The following CCDC3 variants were observed in gnomAD, a reference collection of about 807,000 sequenced individuals.
The protein encoded by CCDC3 is coiled-coil domain-containing protein 3.
In CCDC3, 24 loss-of-function variants were observed where a neutral mutation model predicts 21.4. That is an observed-to-expected ratio of 1.12 (90% CI 0.81 to 1.58). The LOEUF is 1.58. Among genes scored for constraint, CCDC3 ranks in the 40% most tolerant of loss-of-function variants. CCDC3 has a pLI of 0.00. For synonymous variants in CCDC3, 186 were observed against 166.0 expected, an observed-to-expected ratio of 1.12 and a Z score of -0.93; for missense variants, 425 against 360.9, an observed-to-expected ratio of 1.18 and a Z score of -1.44.
chr10:12,977,134 G>A (rs963990982), intron 2 of CCDC3, among the ~76,000 whole-genome samples: 3 of 152,134 alleles, frequency 2.0e-5, no homozygotes, highest in African/African-American at 7.2e-5. Flanking sequence ...AATTAGCTGG[G>A]CATGGTGGCG....
chr10:12,997,069 TA>T (rs1345692054), intron 2 of CCDC3, among the ~76,000 whole-genome samples: 1 of 151,742 alleles, frequency 6.6e-6, no homozygotes, highest in Non-Finnish European at 1.5e-5. Context: ...CCCCTGAACC[TA>T]AAATAAAAGT....
intron 4 of CCDC3, among the ~76,000 whole-genome samples, chr10:13,051,979 A>C (rs1262791301): frequency 2.6e-5 from 4 of 152,076 alleles, no homozygotes; most frequent in Non-Finnish European, 5.9e-5. Context: ...CCTTCTGCAG[A>C]AGTTGTGTAT....
intron 2 of CCDC3, among the ~76,000 whole-genome samples, chr10:12,899,316 ATATTAGAT>A (rs1834059001): frequency 2.0e-5 from 3 of 152,312 alleles, no homozygotes; most frequent in African/African-American, 7.2e-5. Flanking sequence ...TATTTTTCAC[ATATTAGAT>A]TGGCAAAATT....
intron 2 of CCDC3, among the ~76,000 whole-genome samples, chr10:12,932,870 A>G (rs1834670906): frequency 1.3e-5 from 2 of 152,180 alleles, no homozygotes; most frequent in South Asian, 4.1e-4. Flanking sequence ...TTTCTCATTA[A>G]CAGGTTTTAG....
intron 4 of CCDC3, among the ~76,000 whole-genome samples, chr10:13,059,257 C>T (rs1836722429): frequency 6.6e-6 from 1 of 152,204 alleles, no homozygotes; most frequent in Non-Finnish European, 1.5e-5. Flanking sequence ...GCAGAGTCTT[C>T]AGTCTGGACC....
intron 2 of CCDC3, among the ~76,000 whole-genome samples, chr10:12,930,807 C>T (rs1019245856): frequency 1.3e-5 from 2 of 152,232 alleles, no homozygotes; most frequent in East Asian, 1.9e-4. Flanking sequence ...ATAACAGTGC[C>T]GAGGTCAAGA....
upstream of CCDC3, among the ~76,000 whole-genome samples, chr10:13,003,261 G>A (rs901874103): frequency 1.2e-4 from 18 of 152,178 alleles, no homozygotes; most frequent in Non-Finnish European, 2.1e-4. Context: ...ACTGTTGTAA[G>A]GACTGTACAT....
chr10:13,035,787 A>G (rs560523938), intron 5 of CCDC3, among the ~76,000 whole-genome samples: 14 of 152,346 alleles, frequency 9.2e-5, no homozygotes, highest in Non-Finnish European at 2.1e-4. Flanking sequence ...AGACAAAGCA[A>G]CAAACGAAAC....
At chr10:13,071,028 T>A (rs1836875833) in intron 4 of CCDC3, among the ~76,000 whole-genome samples, 1 of 152,068 alleles carries the variant, frequency 6.6e-6, no homozygotes, top group Non-Finnish European at 1.5e-5. Context: ...TCTGGATCAG[T>A]ATTCTCCTTC....
chr10:12,909,516 C>T (rs1054101464), intron 2 of CCDC3, among the ~76,000 whole-genome samples: 1 of 152,200 alleles, frequency 6.6e-6, no homozygotes, highest in Non-Finnish European at 1.5e-5. Flanking sequence ...CTGTAAGCTC[C>T]ATGTCTTGGG....
intron 4 of CCDC3, among the ~76,000 whole-genome samples, chr10:13,051,736 A>G (rs1836610355): frequency 6.6e-6 from 1 of 152,092 alleles, no homozygotes; most frequent in Non-Finnish European, 1.5e-5. Flanking sequence ...TGGGGGTGGT[A>G]TGCCTGAGAC....
intron 2 of CCDC3, among the ~76,000 whole-genome samples, chr10:12,997,610 A>T (rs1395723774): frequency 6.6e-6 from 1 of 152,214 alleles, no homozygotes; most frequent in Non-Finnish European, 1.5e-5. Flanking sequence ...AGTGGTAGCT[A>T]TGATAGCAAT....
chr10:13,042,608 G>A (rs900782151), intron 5 of CCDC3, among the ~76,000 whole-genome samples: 3 of 152,120 alleles, frequency 2.0e-5, no homozygotes, highest in African/African-American at 4.8e-5. Flanking sequence ...AATAATGGTC[G>A]AAAACTCCAT....
chr10:13,002,661 T>C (rs1328844423), upstream of CCDC3, among the ~76,000 whole-genome samples: 1 of 152,234 alleles, frequency 6.6e-6, no homozygotes, highest in East Asian at 1.9e-4. Context: ...CTTTCAGGCG[T>C]GAGCCCCCAC....
At position 13,024,183 on chromosome 10, in the gene CCDC3, C is replaced by T. The variant is rs117579484; in HGVS notation, c.-2+25491G>A. Among the ~76,000 whole-genome samples, 13 of 151,992 alleles carry T rather than the reference C, an allele frequency of 8.6e-5. No individual in the cohort carries two copies. The East Asian group carries it at 1.4e-3, about 16-fold the overall frequency. On this transcript the variant is annotated intron_variant, in intron 5 of 6. Transcript: ENST00000378839. ...TTACTTCCTCCCCATAGAAGTTTGG[C>T]GGTCTTGAGGCATCTTTTCATTTTG...
intron 2 of CCDC3, among the ~76,000 whole-genome samples, chr10:12,967,934 G>A (rs1835285095): frequency 6.6e-6 from 1 of 152,170 alleles, no homozygotes; most frequent in Non-Finnish European, 1.5e-5. Context: ...GCTTTGGGAG[G>A]CCGAGGCGGG....
chr10:12,909,302 G>A (rs534231580), intron 2 of CCDC3, among the ~76,000 whole-genome samples: 9 of 152,210 alleles, frequency 5.9e-5, no homozygotes, highest in Non-Finnish European at 1.3e-4. Flanking sequence ...TCAGATGTGT[G>A]TATGCTCAGC....
chr10:12,942,182 A>C (rs1035432456), intron 2 of CCDC3, among the ~76,000 whole-genome samples: 1 of 152,210 alleles, frequency 6.6e-6, no homozygotes, highest in African/African-American at 2.4e-5. Context: ...TGGGCAAATG[A>C]AAATTCTTGT....
rs151024973 is a variant in CCDC3, at chr10:13,024,280, T to C, written c.-2+25394A>G. Reference sequence around the variant, plus strand: ...TTTTATTAAAATTTGTATAGTTTTATATGCATCAAACTGTAATCTCCATTA... The same window carrying C: ...TTTTATTAAAATTTGTATAGTTTTACATGCATCAAACTGTAATCTCCATTA... On this transcript the variant is annotated intron_variant, in intron 5 of 6. Transcript: ENST00000378839. Among the ~76,000 whole-genome samples, 16 of 152,334 alleles carry C rather than the reference T, an allele frequency of 1.1e-4. No homozygotes were observed. The East Asian group carries it at 2.7e-3, about 26-fold the overall frequency.
Sources: gnomAD v4.1 joint callset for allele counts (sites outside exome capture counted in the v4.1 genomes callset) on GRCh38, gnomAD v4.1.1 for gene constraint, MANE v1.5 for transcripts, NCBI Gene and HGNC (gene_info 2026-07-23, HGNC 2026-07-21) for gene names.